The following PSD3 variants were observed in gnomAD, a reference collection of about 807,000 sequenced individuals.
PSD3 encodes PH and SEC7 domain-containing protein 3.
PSD3 carries 49 observed loss-of-function variants against 105.5 expected under a neutral mutation model. That is an observed-to-expected ratio of 0.46 (90% CI 0.37 to 0.59). The LOEUF is 0.59. PSD3 is among the 20% of genes least tolerant of loss of function. The probability of loss-of-function intolerance (pLI) is 0.00; values close to 1 mark genes in which losing one functional copy is unlikely to be tolerated. For missense variants in PSD3, 1,561 were observed against 1,263.8 expected (o/e 1.24, Z -3.57); for synonymous variants, 557 against 457.8 (o/e 1.22, Z -2.77).
At position 18,535,430 on chromosome 8, in the gene PSD3, A is replaced by G. The variant is rs1319588380; in HGVS notation, c.*313T>C. The G allele has an allele frequency of 6.3e-6, 2 of 319,702 alleles. No individual in the cohort carries two copies. The highest frequency in any genetic ancestry group is 6.0e-5 in the East Asian group (1 of 16,612). The allele number at this position is 319,702 out of a possible 1,614,324, so 19.8% of individuals were successfully genotyped here. On this transcript the variant is annotated 3_prime_UTR_variant, in exon 16 of 16. Coordinates refer to ENST00000327040, the MANE Select transcript of PSD3 (RefSeq NM_015310.4). ...TTTAACAGTTGATATGAGAATACAT[A>G]AAACAACTGAGCAGACTGCAAACAA...
intron 11 of PSD3, among the ~76,000 whole-genome samples, chr8:18,604,187 A>G (rs903093786): frequency 6.6e-6 from 1 of 152,236 alleles, no homozygotes; most frequent in Admixed American, 6.5e-5. Context: ...GGTTATGACC[A>G]AAATGCTGGC....
chr8:18,968,477 C>G (rs1824423865), intron 1 of PSD3, among the ~76,000 whole-genome samples: 1 of 152,226 alleles, frequency 6.6e-6, no homozygotes, highest in Non-Finnish European at 1.5e-5. Flanking sequence ...ACCTTCGACG[C>G]CAGTTTTCAC....
intron 9 of PSD3, among the ~76,000 whole-genome samples, chr8:18,727,139 C>G (rs1397623599): frequency 1.3e-5 from 2 of 151,990 alleles, no homozygotes; most frequent in Non-Finnish European, 2.9e-5. Flanking sequence ...TATTCAAGAC[C>G]AGCTTGGCCA....
chr8:18,897,687 T>C (rs941644558), intron 2 of PSD3, among the ~76,000 whole-genome samples: 40 of 152,272 alleles, frequency 2.6e-4, no homozygotes, highest in African/African-American at 9.6e-4. Flanking sequence ...CTTACATCAG[T>C]GTTTTATAGT....
chr8:18,802,763 TATAA>T (rs921977694), intron 6 of PSD3, among the ~76,000 whole-genome samples: 1 of 152,212 alleles, frequency 6.6e-6, no homozygotes, highest in Non-Finnish European at 1.5e-5. Context: ...ATGGACATTT[TATAA>T]ATAGTGTTGA....
chr8:18,561,322 T>C (rs893395217), intron 14 of PSD3, among the ~76,000 whole-genome samples: 1 of 152,220 alleles, frequency 6.6e-6, no homozygotes, highest in African/African-American at 2.4e-5. Flanking sequence ...TTCTGTCATT[T>C]GCGACAACAT....
chr8:18,807,778 A>G lies in PSD3; in HGVS notation c.1635-2880T>C, dbSNP rs1811328586. Among the ~76,000 whole-genome samples, 3 of 152,172 alleles carry G rather than the reference A, an allele frequency of 2.0e-5. No individual in the cohort carries two copies. The South Asian group carries it at 6.2e-4, about 32-fold the overall frequency. On this transcript the variant is annotated intron_variant, in intron 4 of 15. Coordinates refer to ENST00000327040, the MANE Select transcript of PSD3 (RefSeq NM_015310.4). Reference sequence around the variant, plus strand: ...TCCATGAAAATACATTTTTAAATGCATGATTTTTTCATCCTACATCTTCCT... The same window carrying G: ...TCCATGAAAATACATTTTTAAATGCGTGATTTTTTCATCCTACATCTTCCT...
chr8:18,587,626 C>A (rs1402808532), intron 12 of PSD3, among the ~76,000 whole-genome samples: 1 of 152,180 alleles, frequency 6.6e-6, no homozygotes, highest in East Asian at 1.9e-4. Context: ...CATGTTAATT[C>A]CTCAGGGAGG....
At chr8:18,645,737 G>T (rs1807987187) in intron 10 of PSD3, among the ~76,000 whole-genome samples, 2 of 152,132 alleles carry the variant, frequency 1.3e-5, no homozygotes, top group African/African-American at 2.4e-5. Context: ...TTTCAATGAG[G>T]TGTAATGAGT....
At chr8:18,886,811 T>C (rs1018238168) in intron 2 of PSD3, 3 of 152,264 alleles carry the variant, frequency 2.0e-5, no homozygotes, top group Non-Finnish European at 4.4e-5. Context: ...TGGAAGCACT[T>C]TGAGCACTTG....
chr8:18,808,357 C>T (rs1428623658), intron 4 of PSD3, among the ~76,000 whole-genome samples: 1 of 152,186 alleles, frequency 6.6e-6, no homozygotes, highest in Admixed American at 6.5e-5. Flanking sequence ...TGTAATTATA[C>T]CACATATACA....
intron 9 of PSD3, among the ~76,000 whole-genome samples, chr8:18,674,399 T>C (rs559764387): frequency 2.8e-4 from 42 of 152,344 alleles, no homozygotes; most frequent in South Asian, 6.2e-4. Flanking sequence ...CACGTCTATC[T>C]GGTTTCCATG....
chr8:18,842,441 T>C (rs2129451433), intron 4 of PSD3, among the ~76,000 whole-genome samples: 1 of 152,336 alleles, frequency 6.6e-6, no homozygotes, highest in East Asian at 1.9e-4. Flanking sequence ...CTCACAAAAT[T>C]GTATGGCTTT....
At chr8:18,609,129 T>C (rs1395079875) in intron 11 of PSD3, among the ~76,000 whole-genome samples, 1 of 151,772 alleles carries the variant, frequency 6.6e-6, no homozygotes, top group Admixed American at 6.6e-5. Context: ...TCTGTTGTCT[T>C]GAAAATATTC....
At chr8:18,813,743 G>C (rs943550362) in intron 4 of PSD3, among the ~76,000 whole-genome samples, 1 of 152,164 alleles carries the variant, frequency 6.6e-6, no homozygotes, top group Non-Finnish European at 1.5e-5. Context: ...AGGTAGGTAA[G>C]GTCATCATTG....
chr8:18,677,828 G>A (rs1045953080), intron 9 of PSD3, among the ~76,000 whole-genome samples: 7 of 152,040 alleles, frequency 4.6e-5, no homozygotes, highest in Non-Finnish European at 8.8e-5. Context: ...GGCTAACACG[G>A]TGAAACCCCA....
intron 4 of PSD3, chr8:18,854,020 A>T (rs1411100460): frequency 2.0e-5 from 2 of 99,126 alleles, no homozygotes; most frequent in Non-Finnish European, 4.2e-5. Flanking sequence ...AAATCCAAGG[A>T]AGTTTCTACA....
chr8:18,833,889 A>G (rs1813881230), intron 4 of PSD3, among the ~76,000 whole-genome samples: 1 of 152,216 alleles, frequency 6.6e-6, no homozygotes, highest in South Asian at 2.1e-4. Flanking sequence ...CTAGTAAGAT[A>G]GTCAGTTACA....
intron 1 of PSD3, among the ~76,000 whole-genome samples, chr8:18,949,244 A>AAAATATATAT (rs1345423514): frequency 6.9e-5 from 1 of 14,408 alleles, no homozygotes; most frequent in African/African-American, 1.5e-4. Flanking sequence ...AAAAAAAAAA[A>AAAATATATAT]ATATATATAT....
Sources: gnomAD v4.1 joint callset for allele counts (sites outside exome capture counted in the v4.1 genomes callset) on GRCh38, gnomAD v4.1.1 for gene constraint, MANE v1.5 for transcripts, NCBI Gene and HGNC (gene_info 2026-07-23, HGNC 2026-07-21) for gene names.